The following LRP1B variants were observed in gnomAD, a reference collection of about 807,000 sequenced individuals.
The protein encoded by LRP1B is LDL receptor related protein 1B, also known as low-density lipoprotein receptor-related protein 1B.
Under a neutral mutation model 556.6 loss-of-function variants are expected in LRP1B, and 217 were observed. That is an observed-to-expected ratio of 0.39 (90% CI 0.35 to 0.44). The LOEUF (loss-of-function observed/expected upper bound fraction) is 0.44, where lower values mean the gene tolerates loss of function less well. LRP1B is among the 20% of genes least tolerant of loss of function. The pLI, the probability that LRP1B is intolerant of heterozygous loss-of-function variation, is 1.00. For synonymous variants in LRP1B, 2,047 were observed against 1,865.8 expected (o/e 1.10, Z -2.50); for missense variants, 5,053 against 5,620.8 (o/e 0.90, Z 3.23).
intron 31 of LRP1B, among the ~76,000 whole-genome samples, chr2:140,825,148 A>G (rs73961901): frequency 0.037 from 5,639 of 152,236 alleles, 346 homozygotes; most frequent in African/African-American, 0.13. Context: ...AGGTCAGGGA[A>G]GGGTTCTTGG....
chr2:140,268,632 T>G (rs1308431603), intron 86 of LRP1B, among the ~76,000 whole-genome samples: 1 of 151,930 alleles, frequency 6.6e-6, no homozygotes, highest in South Asian at 2.1e-4. Flanking sequence ...AAAAATAATT[T>G]CCATTGTCAT....
At chr2:140,436,856 G>A (rs749212326) in intron 66 of LRP1B, among the ~76,000 whole-genome samples, 15 of 152,082 alleles carry the variant, frequency 9.9e-5, no homozygotes, top group Admixed American at 3.3e-4. Flanking sequence ...CACTCACCTG[G>A]ATTTACCATG....
intron 35 of LRP1B, among the ~76,000 whole-genome samples, chr2:140,726,577 G>T (rs1458626031): frequency 6.6e-6 from 1 of 152,062 alleles, no homozygotes; most frequent in African/African-American, 2.4e-5. Context: ...ATAAAAGAAG[G>T]TGACTTTTGA....
chr2:141,688,669 A>C (rs1691400950), intron 2 of LRP1B, among the ~76,000 whole-genome samples: 1 of 151,922 alleles, frequency 6.6e-6, no homozygotes, highest in African/African-American at 2.4e-5. Flanking sequence ...ATTTCAACCC[A>C]TGCAATCTCG....
chr2:140,461,984 T>C (rs1049801985), intron 60 of LRP1B, among the ~76,000 whole-genome samples: 1 of 152,212 alleles, frequency 6.6e-6, no homozygotes, highest in Non-Finnish European at 1.5e-5. Flanking sequence ...ATTGACTTAC[T>C]TGAGTTATAA....
intron 80 of LRP1B, among the ~76,000 whole-genome samples, chr2:140,324,618 CTAAAAATAA>C (rs1424648532): frequency 2.0e-5 from 3 of 151,894 alleles, no homozygotes; most frequent in Admixed American, 2.0e-4. Flanking sequence ...ATTAGTTTGT[CTAAAAATAA>C]TAGTAACCAT....
At chr2:142,022,741 G>T (rs1169910872) in intron 1 of LRP1B, among the ~76,000 whole-genome samples, 2 of 152,110 alleles carry the variant, frequency 1.3e-5, no homozygotes, top group Admixed American at 1.3e-4. Flanking sequence ...CACCATCTCG[G>T]CTCACTGCAA....
chr2:141,023,308 A>C (rs1698119930), intron 11 of LRP1B, among the ~76,000 whole-genome samples: 1 of 151,912 alleles, frequency 6.6e-6, no homozygotes, highest in African/African-American at 2.4e-5. Context: ...TTAATAATGA[A>C]GTGCGTGGTT....
rs113891268 is a variant in LRP1B, at chr2:141,057,543, G to T, written c.1408+1340C>A. Among the ~76,000 whole-genome samples, 792 of 151,886 alleles carry T rather than the reference G, an allele frequency of 5.2e-3. 8 individuals carry two copies. Among genetic ancestry groups the T allele is most frequent in the African/African-American group, 0.018 (748 of 41,476 alleles). On this transcript the variant is annotated intron_variant, in intron 9 of 90. Transcript: ENST00000389484. The stretch of plus-strand genomic sequence containing the variant: ...CCCAGTAGGAGGTAATTGAATCATG[G>T]GGGCAGGTCTTTCCCATGCTGTTCT...
chr2:140,632,181 G>A (rs1359310181), intron 41 of LRP1B, among the ~76,000 whole-genome samples: 1 of 152,098 alleles, frequency 6.6e-6, no homozygotes, highest in African/African-American at 2.4e-5. Context: ...AATGATACAA[G>A]TCAAAACTCA....
At chr2:141,218,975 C>T (rs751787183) in intron 6 of LRP1B, among the ~76,000 whole-genome samples, 2 of 152,196 alleles carry the variant, frequency 1.3e-5, no homozygotes, top group African/African-American at 2.4e-5. Context: ...GACCAAGGTG[C>T]CACACAGGAT....
intron 29 of LRP1B, among the ~76,000 whole-genome samples, chr2:140,843,097 T>G (rs542439868): frequency 2.1e-3 from 65 of 30,662 alleles, no homozygotes; most frequent in African/African-American, 6.3e-3. Context: ...TTTTTTTTTT[T>G]TTGTTTTTTT....
chr2:141,059,172 G>T, intron 8 of LRP1B, 118 bp from the exon 9 acceptor site: 1 of 626,544 alleles, frequency 1.6e-6, no homozygotes, highest in Non-Finnish European at 2.6e-6. Flanking sequence ...CCGCAAGGAT[G>T]TTATTTACTT....
At chr2:141,455,765 G>T (rs942027039) in intron 3 of LRP1B, among the ~76,000 whole-genome samples, 1 of 152,130 alleles carries the variant, frequency 6.6e-6, no homozygotes, top group Non-Finnish European at 1.5e-5. Flanking sequence ...AAGCACAAAG[G>T]AAGAGACAGA....
chr2:141,873,546 T>C (rs1017219537), intron 1 of LRP1B, among the ~76,000 whole-genome samples: 5 of 152,068 alleles, frequency 3.3e-5, no homozygotes, highest in African/African-American at 1.2e-4. Context: ...TATGACTTCA[T>C]AATTAGAAAA....
rs571883961 is a variant in LRP1B, at chr2:141,178,239, T to C, written c.1013+10182A>G. ...GCACAACAGACTAGAAAGAGCCTCC[T>C]ATTGGAAGCACAGCTTAAGGAGAAC... On this transcript the variant is annotated intron_variant, in intron 7 of 90. Coordinates refer to ENST00000389484, the MANE Select transcript of LRP1B (RefSeq NM_018557.3). Among the ~76,000 whole-genome samples the C allele has an allele frequency of 5.1e-4, 78 of 152,156 alleles. 2 individuals carry two copies. In the South Asian group the frequency reaches 0.016, roughly 32 times the overall value.
At chr2:140,832,978 A>G (rs1050555579) in intron 31 of LRP1B, among the ~76,000 whole-genome samples, 1 of 152,214 alleles carries the variant, frequency 6.6e-6, no homozygotes, top group African/African-American at 2.4e-5. Flanking sequence ...CATGTATCAA[A>G]ATATCACAGG....
At chr2:141,439,325 C>G (rs1351347688) in intron 3 of LRP1B, among the ~76,000 whole-genome samples, 1 of 151,866 alleles carries the variant, frequency 6.6e-6, no homozygotes, top group Non-Finnish European at 1.5e-5. Context: ...AGGTAACAAG[C>G]AAGAAGTTTG....
intron 35 of LRP1B, among the ~76,000 whole-genome samples, chr2:140,740,313 T>C (rs973504921): frequency 2.6e-4 from 39 of 152,128 alleles, no homozygotes; most frequent in African/African-American, 9.4e-4. Flanking sequence ...TATATGTGTA[T>C]GATGGAATAC....
Sources: gnomAD v4.1 joint callset for allele counts (sites outside exome capture counted in the v4.1 genomes callset) on GRCh38, gnomAD v4.1.1 for gene constraint, MANE v1.5 for transcripts, NCBI Gene and HGNC (gene_info 2026-07-23, HGNC 2026-07-21) for gene names.